EYA4: variants seen among roughly 807,000 people sequenced by gnomAD.
EYA4 encodes EYA transcriptional coactivator and phosphatase 4.
EYA4 carries 31 observed loss-of-function variants against 87.9 expected under a neutral mutation model. The observed-to-expected ratio is 0.35, with a 90% CI of 0.27 to 0.48. EYA4 has a LOEUF of 0.48. Among genes scored for constraint, EYA4 ranks in the 20% least tolerant of loss-of-function variants. EYA4 has a pLI of 0.99. For missense variants in EYA4, 678 were observed against 761.4 expected, an observed-to-expected ratio of 0.89 and a Z score of 1.29; for synonymous variants, 263 against 270.6, an observed-to-expected ratio of 0.97 and a Z score of 0.28.
At chr6:133,363,810 T>C (rs1217565942) in intron 2 of EYA4, among the ~76,000 whole-genome samples, 5 of 152,154 alleles carry the variant, frequency 3.3e-5, no homozygotes, top group Non-Finnish European at 7.3e-5. Context: ...GTTCCCGCTT[T>C]CGGGTCCAGT....
At chr6:133,415,554 T>C (rs1417850941) in intron 3 of EYA4, among the ~76,000 whole-genome samples, 2 of 152,180 alleles carry the variant, frequency 1.3e-5, no homozygotes, top group African/African-American at 4.8e-5. Context: ...ATGAGGATTA[T>C]GAGACACATG....
At chr6:133,275,382 T>C (rs571229823) in intron 2 of EYA4, among the ~76,000 whole-genome samples, 58 of 152,248 alleles carry the variant, frequency 3.8e-4, no homozygotes, top group South Asian at 2.7e-3. Context: ...AGTAGTTCTT[T>C]AGCGTGTGGA....
intron 11 of EYA4, among the ~76,000 whole-genome samples, chr6:133,470,129 C>A: frequency 6.7e-6 from 1 of 150,164 alleles, no homozygotes; most frequent in Non-Finnish European, 1.5e-5. Flanking sequence ...CTTTTGTTGC[C>A]ATTGCTTTTG....
At chr6:133,273,482 A>G (rs866674481) in intron 1 of EYA4, among the ~76,000 whole-genome samples, 1 of 152,036 alleles carries the variant, frequency 6.6e-6, no homozygotes, top group African/African-American at 2.4e-5. Flanking sequence ...TCAAGTTGAC[A>G]CTCAGTATTA....
At chr6:133,435,747 A>G (rs915557080) in intron 3 of EYA4, among the ~76,000 whole-genome samples, 1 of 152,240 alleles carries the variant, frequency 6.6e-6, no homozygotes, top group Non-Finnish European at 1.5e-5. Flanking sequence ...ACTAATTTTC[A>G]TAAGATCTAA....
chr6:133,391,848 G>A (rs913621364), intron 3 of EYA4, among the ~76,000 whole-genome samples: 27 of 152,056 alleles, frequency 1.8e-4, no homozygotes, highest in African/African-American at 6.3e-4. Flanking sequence ...TAACCTGCCA[G>A]TTTTATCCAG....
At chr6:133,437,460 C>G (rs1791797721) in intron 3 of EYA4, among the ~76,000 whole-genome samples, 1 of 152,086 alleles carries the variant, frequency 6.6e-6, no homozygotes, top group Admixed American at 6.6e-5. Context: ...CTCTGAGCCT[C>G]AATTTCTTCA....
In EYA4 at chr6:133,274,773, A is replaced by G. The variant is rs1777025244; in HGVS notation, c.-8A>G. The G allele has an allele frequency of 6.2e-7, 1 of 1,613,180 alleles. No homozygotes were observed. The highest frequency in any genetic ancestry group is 1.7e-5 in the Admixed American group (1 of 59,978). ...ACTTGGGAGTGGCAGGAGAAGTGAG[A>G]AAACCACATGGAAGACTCCCAGGAT... On this transcript the variant is annotated 5_prime_UTR_variant, in exon 2 of 20. Coordinates refer to ENST00000355286, the MANE Select transcript of EYA4 (RefSeq NM_004100.5).
intron 3 of EYA4, among the ~76,000 whole-genome samples, chr6:133,416,370 G>C (rs1789712947): frequency 6.6e-6 from 1 of 152,224 alleles, no homozygotes; most frequent in Non-Finnish European, 1.5e-5. Flanking sequence ...GAAAAACCAG[G>C]TGACTCCAGG....
At chr6:133,299,969 A>C (rs1012653343) in intron 2 of EYA4, among the ~76,000 whole-genome samples, 10 of 150,176 alleles carry the variant, frequency 6.7e-5, no homozygotes, top group African/African-American at 2.5e-4. Context: ...ATATATATAT[A>C]TCTTTTGACT....
At chr6:133,415,382 C>T (rs942305816) in intron 3 of EYA4, among the ~76,000 whole-genome samples, 4 of 152,146 alleles carry the variant, frequency 2.6e-5, no homozygotes, top group African/African-American at 9.7e-5. Context: ...CAGCCTAGCC[C>T]CCCATGATAT....
chr6:133,477,908 GACAA>G (rs1234474394), intron 11 of EYA4, among the ~76,000 whole-genome samples: 1 of 151,442 alleles, frequency 6.6e-6, no homozygotes, highest in Admixed American at 6.6e-5. Context: ...ATAAGAAAAA[GACAA>G]ACAGCCTAGT....
intron 3 of EYA4, among the ~76,000 whole-genome samples, chr6:133,424,805 G>A (rs1356221579): frequency 6.0e-5 from 9 of 150,904 alleles, no homozygotes; most frequent in East Asian, 5.9e-4. Flanking sequence ...ATCCACAGCC[G>A]CAGTTTGGGC....
Position 133,530,491 on chromosome 6 carries a change from A to C in EYA4, c.*1686A>C. On this transcript the variant is annotated 3_prime_UTR_variant, in exon 20 of 20. Transcript: ENST00000355286. The stretch of plus-strand genomic sequence containing the variant: ...GCAGTTCTGTGTTTAAAATGTCATA[A>C]TGTGGATCCTGGAGTCAGGCTACTA... 1.0e-6 allele frequency: 1 copy of C among 985,834 alleles called. No individual in the cohort carries two copies. Among genetic ancestry groups the C allele is most frequent in the Non-Finnish European group, 1.2e-6 (1 of 829,918 alleles). 61.1% of individuals were successfully genotyped at this position (985,834 alleles called of 1,614,324 possible).
chr6:133,410,443 A>G (rs1374876145), intron 3 of EYA4, among the ~76,000 whole-genome samples: 1 of 151,594 alleles, frequency 6.6e-6, no homozygotes, highest in East Asian at 1.9e-4. Context: ...GGTATTATTT[A>G]AATCTATATA....
intron 2 of EYA4, among the ~76,000 whole-genome samples, chr6:133,306,252 A>G (rs556172423): frequency 3.3e-5 from 5 of 152,302 alleles, no homozygotes; most frequent in African/African-American, 1.2e-4. Context: ...TGAGAATTCA[A>G]CAGATTGGCT....
At chr6:133,276,041 C>T (rs1354414557) in intron 2 of EYA4, among the ~76,000 whole-genome samples, 5 of 152,100 alleles carry the variant, frequency 3.3e-5, no homozygotes, top group Admixed American at 1.3e-4. Context: ...ACAGCATGGA[C>T]TCTAGCAAAA....
At chr6:133,456,418 A>G in intron 5 of EYA4, 138 bp from the exon 6 acceptor site, 1 of 727,282 alleles carries the variant, frequency 1.4e-6, no homozygotes, top group Non-Finnish European at 2.5e-6. Flanking sequence ...TAGAAGCTAA[A>G]TTAACAAACT....
At position 133,260,154 on chromosome 6, in the gene EYA4, T is replaced by C. The variant is rs186730569; in HGVS notation, c.-65-14562T>C. On this transcript the variant is annotated intron_variant, in intron 1 of 19. Coordinates refer to ENST00000355286, the MANE Select transcript of EYA4 (RefSeq NM_004100.5). ...GTATACCTATCTAGTTTTTTCCACA[T>C]TGCTCTGTAGTTTCACATTCTTAGA... Among the ~76,000 whole-genome samples, 109 of 152,332 alleles carry C rather than the reference T, an allele frequency of 7.2e-4. 1 individual carries two copies. The highest frequency in any genetic ancestry group is 1.1e-3 in the Non-Finnish European group (72 of 68,022).
Sources: allele counts gnomAD v4.1 joint callset (sites outside exome capture counted in the v4.1 genomes callset), GRCh38; gene constraint gnomAD v4.1.1; transcripts MANE v1.5; gene names NCBI Gene and HGNC (gene_info 2026-07-23, HGNC 2026-07-21).